LPO: variants seen among roughly 807,000 people sequenced by gnomAD.
LPO encodes salivary peroxidase.
A neutral mutation model predicts 68.4 loss-of-function variants in LPO; 70 were observed. The ratio of observed to expected loss-of-function variants is 1.02; its 90% CI spans 0.84 to 1.25. The LOEUF is 1.25. LPO is among the 50% of genes most tolerant of loss of function. LPO has a pLI of 0.00. For synonymous variants in LPO, 360 were observed against 357.6 expected (o/e 1.01, Z -0.08); for missense variants, 873 against 908.4 (o/e 0.96, Z 0.50).
chr17:58,247,689 A>C (rs1598021673), intron 4 of LPO, 51 bp downstream of exon 4: 1 of 1,580,796 alleles, frequency 6.3e-7, no homozygotes, highest in South Asian at 1.1e-5. Context: ...ATCTCCCCAC[A>C]GGAGAAAGCA....
At chr17:58,249,435 C>T in intron 5 of LPO, 131 bp from the exon 6 acceptor site, 7 of 1,374,996 alleles carry the variant, frequency 5.1e-6, no homozygotes, top group Non-Finnish European at 6.7e-6. Flanking sequence ...GTTCAGAGAC[C>T]CCAAATTTGA....
chr17:58,249,412 G>C (rs1412437116), intron 5 of LPO, 154 bp from the exon 6 acceptor site: 4 of 1,221,536 alleles, frequency 3.3e-6, no homozygotes, highest in South Asian at 3.2e-5. Flanking sequence ...CGCGCCTTCA[G>C]GGGGTGGGCG....
intron 5 of LPO, 175 bp from the exon 6 acceptor site, chr17:58,249,391 C>G: frequency 9.3e-7 from 1 of 1,071,454 alleles, no homozygotes; most frequent in Non-Finnish European, 1.3e-6. Flanking sequence ...TTCCCCGGGG[C>G]GGGGGAGCCC....
chr17:58,265,093 C>T, intron 10 of LPO, 119 bp downstream of exon 10: 1 of 1,294,506 alleles, frequency 7.7e-7, no homozygotes, highest in Non-Finnish European at 1.1e-6. Context: ...CAAATGAATT[C>T]ACCTCACTGA....
intron 3 of LPO, chr17:58,244,573 C>A (rs1299346462): frequency 6.2e-6 from 1 of 160,404 alleles, no homozygotes; most frequent in Non-Finnish European, 1.4e-5. Context: ...AAAGTGGCTT[C>A]AAGTCTATCC....
chr17:58,268,274 C>T lies in LPO; in HGVS notation c.*280C>T. ...TGCTGGATGTTACCTGTCCTCTTCC[C>T]TCCACAAGTCTTGGCCCTTAACCTT... On this transcript the variant is annotated 3_prime_UTR_variant, in exon 13 of 13. Coordinates refer to ENST00000262290, the MANE Select transcript of LPO (RefSeq NM_006151.3). The T allele has an allele frequency of 2.2e-6, 1 of 462,046 alleles. No homozygotes were observed. The highest frequency in any genetic ancestry group is 4.3e-5 in the East Asian group (1 of 23,514). 28.6% of individuals were successfully genotyped at this position (462,046 alleles called of 1,614,324 possible).
At chr17:58,242,289 A>C (rs933817883) in intron 1 of LPO, among the ~76,000 whole-genome samples, 19 of 152,228 alleles carry the variant, frequency 1.2e-4, no homozygotes, top group Admixed American at 9.8e-4. Flanking sequence ...ATGAGCTGGA[A>C]TCTTTCCAGG....
Position 58,264,954 on chromosome 17 carries a change from C to G in LPO, c.1499C>G (p.Thr500Ser), listed in dbSNP as rs751147632. ...ELPLHTLFFNTWRMVKDGGID... is the reference protein window; with the variant it reads ...ELPLHTLFFNSWRMVKDGGID... ...CCCCTCCACACCCTCTTCTTCAACA[C>G]TTGGAGGATGGTCAAAGATGGTATG... Residue 500 changes from threonine to serine, a missense_variant, in exon 10 of 13, where the codon ACT becomes AGT. Thr to Ser is a moderately conservative substitution (Grantham distance 58). Coordinates refer to ENST00000262290, the MANE Select transcript of LPO (RefSeq NM_006151.3). 1.1e-5 allele frequency: 18 copies of G among 1,614,116 alleles called. No homozygotes were observed. The South Asian group carries it at 1.8e-4, about 16-fold the overall frequency.
In LPO at chr17:58,242,118, C is replaced by T. The variant is rs1159152285; in HGVS notation, c.-2-860C>T. 4.6e-5 allele frequency among the ~76,000 whole-genome samples: 7 copies of T among 152,314 alleles called. No individual in the cohort carries two copies. The South Asian group carries it at 1.5e-3, about 32-fold the overall frequency. ...AACACACAATCATTCCATCTGCACGCTGTGGCTGCCACCCCGGGCTGGAGC... is the reference window on the plus strand; with the variant it reads ...AACACACAATCATTCCATCTGCACGTTGTGGCTGCCACCCCGGGCTGGAGC... On this transcript the variant is annotated intron_variant, in intron 1 of 12. Transcript: ENST00000262290.
At position 58,268,124 on chromosome 17, in the gene LPO, T is replaced by G; in HGVS notation, c.*130T>G. 1 of 922,552 alleles carries G rather than the reference T, an allele frequency of 1.1e-6. No homozygotes were observed. Among genetic ancestry groups the G allele is most frequent in the Non-Finnish European group, 1.6e-6 (1 of 618,228 alleles). The allele number at this position is 922,552 out of a possible 1,614,324, so 57.1% of individuals were successfully genotyped here. A position where few individuals can be genotyped will look rare whatever the true frequency, so the allele number is the denominator to read the frequency against. On this transcript the variant is annotated 3_prime_UTR_variant, in exon 13 of 13. Coordinates refer to ENST00000262290, the MANE Select transcript of LPO (RefSeq NM_006151.3). ...TTGCAGCTGGGCCTCTCTATACCCCTGGATGAACAGCTTGCTCAGGCCCCA... is the reference window on the plus strand; with the variant it reads ...TTGCAGCTGGGCCTCTCTATACCCCGGGATGAACAGCTTGCTCAGGCCCCA...
At chr17:58,249,430 G>C (rs1969914319) in intron 5 of LPO, 136 bp from the exon 6 acceptor site, 1 of 1,352,652 alleles carries the variant, frequency 7.4e-7, no homozygotes, top group Non-Finnish European at 9.8e-7. Flanking sequence ...GCGCAGTTCA[G>C]AGACCCCAAA....
chr17:58,259,762 T>A (rs1970141562), intron 9 of LPO, among the ~76,000 whole-genome samples: 1 of 152,230 alleles, frequency 6.6e-6, no homozygotes, highest in Non-Finnish European at 1.5e-5. Context: ...CATTTTGTAG[T>A]TTTATCACAC....
intron 1 of LPO, among the ~76,000 whole-genome samples, chr17:58,242,380 C>T (rs1043409804): frequency 2.6e-5 from 4 of 152,182 alleles, no homozygotes; most frequent in Non-Finnish European, 5.9e-5. Context: ...CAAGTTGGCA[C>T]TTTGAGGGAA....
chr17:58,256,932 A>C (rs1970084399), intron 9 of LPO, among the ~76,000 whole-genome samples: 1 of 151,024 alleles, frequency 6.6e-6, no homozygotes, highest in Non-Finnish European at 1.5e-5. Flanking sequence ...TGCACAATTA[A>C]GTTAAATTAT....
chr17:58,243,317 GCC>G, intron 2 of LPO: 1 of 435,432 alleles, frequency 2.3e-6, no homozygotes, highest in Non-Finnish European at 4.2e-6. Context: ...TCTTTGCGTG[GCC>G]TTTTTCACTG....
intron 9 of LPO, among the ~76,000 whole-genome samples, chr17:58,256,267 T>C (rs1970067429): frequency 6.6e-6 from 1 of 152,170 alleles, no homozygotes; most frequent in African/African-American, 2.4e-5. Context: ...ATTTGGATAG[T>C]TTCCAGTTTT....
At position 58,249,619 on chromosome 17, in the gene LPO, C is replaced by T. The variant is rs1289439624; in HGVS notation, c.497C>T (p.Ala166Val). The change falls in exon 6 of 13, where the codon GCG (alanine) becomes GTG (valine). Residue 166 changes from alanine to valine, a missense_variant. Ala to Val is a moderately conservative substitution (Grantham distance 64). Transcript: ENST00000262290. The part of the protein sequence containing the change: ...ANRALARWLP[A>V]EYEDGLSLPF... ...AGGGCTCTGGCGCGCTGGCTGCCCG[C>T]GGAGTACGAGGACGGGCTCTCCCTG... is the stretch of plus-strand genomic sequence containing the variant. The T allele has an allele frequency of 4.4e-6, 7 of 1,602,850 alleles. No individual in the cohort carries two copies. Among genetic ancestry groups the T allele is most frequent in the Middle Eastern group, 1.8e-4 (1 of 5,522 alleles).
At chr17:58,262,054 T>C (rs1185806234) in intron 9 of LPO, among the ~76,000 whole-genome samples, 2 of 152,236 alleles carry the variant, frequency 1.3e-5, no homozygotes, top group Non-Finnish European at 1.5e-5. Context: ...AAAAAATTCA[T>C]GAGGTGGAAA....
chr17:58,251,545 T>C, intron 7 of LPO: 1 of 223,204 alleles, frequency 4.5e-6, no homozygotes, highest in Non-Finnish European at 9.1e-6. Flanking sequence ...TCTTTTCTTA[T>C]TATTCATGGG....
Sources: gnomAD v4.1 joint callset for allele counts (sites outside exome capture counted in the v4.1 genomes callset) on GRCh38, gnomAD v4.1.1 for gene constraint, MANE v1.5 for transcripts, NCBI Gene and HGNC (gene_info 2026-07-23, HGNC 2026-07-21) for gene names.